Variants in IGSF21 observed in about 807,000 individuals in gnomAD.
The protein encoded by IGSF21 is immunoglobulin superfamily member 21.
IGSF21 carries 28 observed loss-of-function variants against 46.8 expected under a neutral mutation model. The observed-to-expected ratio is 0.60, with a 90% CI of 0.44 to 0.82. The LOEUF (loss-of-function observed/expected upper bound fraction) is 0.82, where lower values mean the gene tolerates loss of function less well. IGSF21 is among the 40% of genes least tolerant of loss of function. The pLI is 0.00. For missense variants in IGSF21, 624 were observed against 665.5 expected (o/e 0.94, Z 0.69); for synonymous variants, 284 against 273.6 (o/e 1.04, Z -0.38).
chr1:18,303,973 C>T (rs1385735944), intron 3 of IGSF21, among the ~76,000 whole-genome samples: 1 of 152,082 alleles, frequency 6.6e-6, no homozygotes, highest in African/African-American at 2.4e-5. Context: ...AAATTGACCT[C>T]GGTTTGAGTT....
Position 18,131,622 on chromosome 1 carries a change from G to A in IGSF21, c.70+23424G>A, listed in dbSNP as rs140486209. ...CCCCAAATTTCACTGGCACAAGCTC[G>A]ATAGAAGTTTATTTTTAGCTCACAT... is the stretch of plus-strand genomic sequence containing the variant. On this transcript the variant is annotated intron_variant, in intron 1 of 9. Transcript: ENST00000251296. Among the ~76,000 whole-genome samples, 480 of 152,292 alleles carry A rather than the reference G, an allele frequency of 3.2e-3. 9 individuals are homozygous for A. Among genetic ancestry groups the A allele is most frequent in the East Asian group, 6.0e-3 (31 of 5,176 alleles).
rs562952103 is a variant in IGSF21 at position 18,193,715 on chromosome 1, C to T, written c.71-34183C>T. On this transcript the variant is annotated intron_variant, in intron 1 of 9. Transcript: ENST00000251296. ...AAATGTTAATCTCCTTTGGCAACAC[C>T]CTCACAGACTCACCCAGGATTAATA... 2.8e-5 allele frequency among the ~76,000 whole-genome samples: 4 copies of T among 143,792 alleles called. No individual in the cohort carries two copies. The South Asian group carries it at 9.5e-4, about 34-fold the overall frequency. 94.3% of individuals were successfully genotyped at this position (143,792 alleles called of 152,430 possible). A position where few individuals can be genotyped will look rare whatever the true frequency, so the allele number is the denominator to read the frequency against.
chr1:18,149,982 G>A (rs747844614), intron 1 of IGSF21, among the ~76,000 whole-genome samples: 1 of 152,150 alleles, frequency 6.6e-6, no homozygotes. Context: ...GCCGGGGAGT[G>A]GTGGCTTATG....
chr1:18,159,014 C>T (rs575226909), intron 1 of IGSF21, among the ~76,000 whole-genome samples: 2 of 152,194 alleles, frequency 1.3e-5, no homozygotes, highest in Admixed American at 6.5e-5. Context: ...TCCTCCCAGA[C>T]CCTCCCAGGT....
intron 1 of IGSF21, among the ~76,000 whole-genome samples, chr1:18,212,638 G>A (rs2084403896): frequency 6.6e-6 from 1 of 152,198 alleles, no homozygotes. Context: ...CTCAGCCTGT[G>A]GTTTCCCTAT....
chr1:18,178,163 C>G (rs898068566), intron 1 of IGSF21, among the ~76,000 whole-genome samples: 10 of 152,134 alleles, frequency 6.6e-5, no homozygotes, highest in African/African-American at 2.4e-4. Context: ...ACTGTGACAA[C>G]AGCGTCATTC....
In IGSF21 at chr1:18,377,293, C is replaced by A. The variant is rs529034459; in HGVS notation, c.1295-100C>A. On this transcript the variant is annotated intron_variant, in intron 8 of 9. Coordinates refer to ENST00000251296, the MANE Select transcript of IGSF21 (RefSeq NM_032880.5). The stretch of plus-strand genomic sequence containing the variant: ...GTTGTGTGGCTGCACTGAGACAGTG[C>A]GTGTGATACCTCACAGCAGGTGCTG... The A allele has an allele frequency of 8.5e-5, 90 of 1,058,916 alleles. 1 individual carries two copies. The African/African-American group carries it at 1.2e-3, about 14-fold the overall frequency. 65.6% of individuals were successfully genotyped at this position (1,058,916 alleles called of 1,614,324 possible). A position where few individuals can be genotyped will look rare whatever the true frequency, so the allele number is the denominator to read the frequency against.
intron 1 of IGSF21, among the ~76,000 whole-genome samples, chr1:18,117,320 G>T (rs951747816): frequency 7.2e-5 from 11 of 152,180 alleles, no homozygotes; most frequent in African/African-American, 2.7e-4. Flanking sequence ...GAATGAGACT[G>T]CCCCAGCCTG....
chr1:18,377,144 G>C, intron 8 of IGSF21, 152 bp downstream of exon 8: 2 of 842,188 alleles, frequency 2.4e-6, no homozygotes, highest in South Asian at 1.7e-5. Flanking sequence ...TGGGAGGCAG[G>C]GTCGCTCAGT....
Position 18,218,335 on chromosome 1 carries a change from C to T in IGSF21, c.71-9563C>T, listed in dbSNP as rs116532831. Among the ~76,000 whole-genome samples, 658 of 152,314 alleles carry T rather than the reference C, an allele frequency of 4.3e-3. 1 individual carries two copies. The highest frequency in any genetic ancestry group is 0.015 in the African/African-American group (608 of 41,570). On this transcript the variant is annotated intron_variant, in intron 1 of 9. Transcript: ENST00000251296. The stretch of plus-strand genomic sequence containing the variant: ...AAAGTCTGCCTCCATTGCCCAGTCA[C>T]CTCCCACCAGGTCCGTCTTCCAACA...
At chr1:18,377,137 G>A (rs954561311) in intron 8 of IGSF21, 145 bp downstream of exon 8, 2 of 874,610 alleles carry the variant, frequency 2.3e-6, no homozygotes, top group Admixed American at 5.7e-5. Context: ...GCCCCACTGG[G>A]AGGCAGGGTC....
chr1:18,255,497 C>T (rs1347145094), intron 2 of IGSF21, among the ~76,000 whole-genome samples: 1 of 151,992 alleles, frequency 6.6e-6, no homozygotes, highest in African/African-American at 2.4e-5. Context: ...CCATCATGCC[C>T]CTAACTTCCT....
chr1:18,353,588 G>A (rs1048285354), intron 4 of IGSF21, among the ~76,000 whole-genome samples: 24 of 152,140 alleles, frequency 1.6e-4, no homozygotes, highest in African/African-American at 5.5e-4. Flanking sequence ...TATACAAAAT[G>A]CTGGGGCCCC....
chr1:18,240,520 C>T, intron 2 of IGSF21, among the ~76,000 whole-genome samples: 1 of 152,232 alleles, frequency 6.6e-6, no homozygotes, highest in East Asian at 1.9e-4. Flanking sequence ...AAACCCTTTG[C>T]TGGCAGTGAC....
At chr1:18,168,508 C>A (rs546635480) in intron 1 of IGSF21, among the ~76,000 whole-genome samples, 19 of 152,318 alleles carry the variant, frequency 1.2e-4, no homozygotes, top group Non-Finnish European at 2.4e-4. Context: ...AGGACAGGGT[C>A]ATTGCCTCAG....
intron 1 of IGSF21, among the ~76,000 whole-genome samples, chr1:18,216,037 G>T (rs2084442060): frequency 6.6e-6 from 1 of 152,194 alleles, no homozygotes. Context: ...GACACACGAA[G>T]AACCACATGT....
chr1:18,254,433 T>C (rs564045026), intron 2 of IGSF21, among the ~76,000 whole-genome samples: 21 of 145,330 alleles, frequency 1.4e-4, no homozygotes, highest in African/African-American at 5.3e-4. Flanking sequence ...CTAGGTATCT[T>C]TAACCCTAAC....
intron 2 of IGSF21, among the ~76,000 whole-genome samples, chr1:18,285,766 T>C (rs2085207006): frequency 6.6e-6 from 1 of 152,186 alleles, no homozygotes; most frequent in South Asian, 2.1e-4. Flanking sequence ...CCAACCTCCC[T>C]ACTTCGGACT....
chr1:18,183,964 C>G (rs1286088932), intron 1 of IGSF21, among the ~76,000 whole-genome samples: 1 of 152,030 alleles, frequency 6.6e-6, no homozygotes, highest in African/African-American at 2.4e-5. Context: ...TAGGTTCTGC[C>G]CACAGAGAAG....
Sources: allele counts gnomAD v4.1 joint callset (sites outside exome capture counted in the v4.1 genomes callset), GRCh38; gene constraint gnomAD v4.1.1; transcripts MANE v1.5; gene names NCBI Gene and HGNC (gene_info 2026-07-23, HGNC 2026-07-21).